Variants in AHRR observed in about 807,000 individuals in gnomAD.
The protein encoded by AHRR is ahR repressor.
AHRR carries 28 observed loss-of-function variants against 44.0 expected under a neutral mutation model. The ratio of observed to expected loss-of-function variants is 0.64; its 90% CI spans 0.47 to 0.87. The LOEUF is 0.87. Ranked by LOEUF, AHRR falls within the 40% of genes least tolerant of loss-of-function variation. The probability of loss-of-function intolerance (pLI) is 0.00; values close to 1 mark genes in which losing one functional copy is unlikely to be tolerated. For synonymous variants in AHRR, 434 were observed against 407.0 expected (o/e 1.07, Z -0.80); for missense variants, 990 against 953.9 (o/e 1.04, Z -0.50).
At chr5:327,278 C>A (rs1202570208) in intron 1 of AHRR, among the ~76,000 whole-genome samples, 1 of 152,150 alleles carries the variant, frequency 6.6e-6, no homozygotes, top group Non-Finnish European at 1.5e-5. Flanking sequence ...TTGTTACATG[C>A]ATAGATTGCA....
chr5:366,416 A>G (rs768555076), intron 3 of AHRR, among the ~76,000 whole-genome samples: 9 of 137,130 alleles, frequency 6.6e-5, no homozygotes, highest in Non-Finnish European at 1.4e-4. Flanking sequence ...ATGATTTTAT[A>G]GGGTCACATT....
At chr5:325,779 TTTTC>T (rs1741684695) in intron 1 of AHRR, among the ~76,000 whole-genome samples, 1 of 152,180 alleles carries the variant, frequency 6.6e-6, no homozygotes, top group Non-Finnish European at 1.5e-5. Flanking sequence ...TTGTTTCTTG[TTTTC>T]TTTCTTTTCT....
intron 2 of AHRR, 145 bp downstream of exon 2, chr5:344,109 G>C: frequency 2.5e-6 from 2 of 790,698 alleles, no homozygotes; most frequent in African/African-American, 1.9e-5. Flanking sequence ...GCTCCGGCGC[G>C]GGCGGCGCAG....
intron 1 of AHRR, among the ~76,000 whole-genome samples, chr5:332,342 A>G (rs951295634): frequency 7.0e-6 from 1 of 142,694 alleles, no homozygotes; most frequent in Non-Finnish European, 1.5e-5. Context: ...ATCTCGGCTC[A>G]CCACAACCTC....
intron 3 of AHRR, 44 bp from the exon 4 acceptor site, chr5:376,566 G>GAAAGATGTGAATGAATGAGAA: frequency 7.9e-6 from 12 of 1,517,786 alleles, no homozygotes; most frequent in South Asian, 2.6e-5. Flanking sequence ...GAGTGGCCAG[G>GAAAGATGTGAATGAATGAGAA]CCAAGGGTTG....
intron 3 of AHRR, among the ~76,000 whole-genome samples, chr5:355,514 C>T (rs1374020751): frequency 1.3e-5 from 2 of 152,210 alleles, no homozygotes; most frequent in Non-Finnish European, 2.9e-5. Context: ...CGACACCGCA[C>T]AGCCTCACCC....
intron 4 of AHRR, among the ~76,000 whole-genome samples, chr5:408,589 A>G (rs1352387765): frequency 6.6e-6 from 1 of 152,122 alleles, no homozygotes; most frequent in Non-Finnish European, 1.5e-5. Context: ...CTATTTCTTA[A>G]TATTTCATTT....
intron 4 of AHRR, among the ~76,000 whole-genome samples, chr5:401,015 G>C (rs1734993581): frequency 6.6e-6 from 1 of 152,240 alleles, no homozygotes; most frequent in Admixed American, 6.5e-5. Flanking sequence ...TCCAGCCCGT[G>C]TGGGGCGGGA....
chr5:375,336 G>T (rs1036402408), intron 3 of AHRR, among the ~76,000 whole-genome samples: 2 of 152,194 alleles, frequency 1.3e-5, no homozygotes, highest in African/African-American at 4.8e-5. Flanking sequence ...TTCTGTCTGG[G>T]TCGGGCTCTT....
In AHRR at chr5:342,944, C is replaced by T. The variant is rs776840032; in HGVS notation, c.-10-949C>T. On this transcript the variant is annotated intron_variant, in intron 1 of 10. Coordinates refer to ENST00000684583, the MANE Select transcript of AHRR (RefSeq NM_001377236.1). This position sits in a 1 kb window ranked among gnomAD's most constrained non-coding sequence, Gnocchi z 4.3. ...TGGGTGTAGTCAGCTGGACTCAGGGCGCTGTGAGCTAGTGACTTAAGTGGA... is the reference window on the plus strand; with the variant it reads ...TGGGTGTAGTCAGCTGGACTCAGGGTGCTGTGAGCTAGTGACTTAAGTGGA... Among the ~76,000 whole-genome samples, 8 of 152,104 alleles carry T rather than the reference C, an allele frequency of 5.3e-5. No homozygotes were observed. Among genetic ancestry groups the T allele is most frequent in the African/African-American group, 1.4e-4 (6 of 41,406 alleles).
rs563098121 is a variant in AHRR, at chr5:344,074, C to G, written c.62+110C>G. The G allele has an allele frequency of 4.5e-5, 55 of 1,218,610 alleles. No individual in the cohort carries two copies. In the East Asian group the frequency reaches 1.6e-3, roughly 36 times the overall value. The allele number at this position is 1,218,610 out of a possible 1,614,324, so 75.5% of individuals were successfully genotyped here. On this transcript the variant is annotated intron_variant, in intron 2 of 10. Transcript: ENST00000684583. ...GGAACAGGGCGAGCGAGGAAGGCTT[C>G]GGGAGCCGGGCGGGCCGGGGCTGAG...
Position 404,131 on chromosome 5 carries a change from G to A in AHRR, c.352-9213G>A, listed in dbSNP as rs774874583. ...TCCAGGTTTGGGGTTACCCTTCTCCGTCTCTCTCAGCCTCAGCCGTTCCTG... is the reference window on the plus strand; with the variant it reads ...TCCAGGTTTGGGGTTACCCTTCTCCATCTCTCTCAGCCTCAGCCGTTCCTG... On this transcript the variant is annotated intron_variant, in intron 4 of 10. Coordinates refer to ENST00000684583, the MANE Select transcript of AHRR (RefSeq NM_001377236.1). This position sits in a 1 kb window ranked among gnomAD's most constrained non-coding sequence, Gnocchi z 4.1. 1.1e-4 allele frequency: 62 copies of A among 546,672 alleles called. No individual in the cohort carries two copies. Among genetic ancestry groups the A allele is most frequent in the East Asian group, 8.7e-4 (23 of 26,476 alleles). The allele number at this position is 546,672 out of a possible 1,614,324, so 33.9% of individuals were successfully genotyped here.
At chr5:384,310 G>A (rs1734089502) in intron 4 of AHRR, among the ~76,000 whole-genome samples, 1 of 152,142 alleles carries the variant, frequency 6.6e-6, no homozygotes. Context: ...ACTTTACAAA[G>A]TTGAAATTTT....
intron 1 of AHRR, among the ~76,000 whole-genome samples, chr5:332,929 CTTT>C (rs57937804): frequency 0.41 from 54,135 of 132,032 alleles, 10,478 homozygotes; most frequent in South Asian, 0.51. Flanking sequence ...TGACCTTTGT[CTTT>C]TTTTTTTTTT....
chr5:386,467 C>T (rs1230579017), intron 4 of AHRR, among the ~76,000 whole-genome samples: 1 of 152,242 alleles, frequency 6.6e-6, no homozygotes, highest in African/African-American at 2.4e-5. Context: ...ATCTTTCTCA[C>T]TGGGCCAGAG....
intron 4 of AHRR, among the ~76,000 whole-genome samples, chr5:389,683 T>TG (rs947856109): frequency 6.6e-6 from 1 of 151,464 alleles, no homozygotes; most frequent in Non-Finnish European, 1.5e-5. Flanking sequence ...ACAAGGCCTC[T>TG]GGGGGGTCTG....
chr5:351,026 A>G (rs1240404725), intron 2 of AHRR, among the ~76,000 whole-genome samples: 1 of 152,228 alleles, frequency 6.6e-6, no homozygotes, highest in Non-Finnish European at 1.5e-5. Context: ...AAGTCATTAG[A>G]AAAATGCAAA....
chr5:432,803 C>T lies in AHRR; in HGVS notation c.971-3C>T, dbSNP rs758405839. 2.5e-6 allele frequency: 4 copies of T among 1,613,850 alleles called. No individual in the cohort carries two copies. In the South Asian group the frequency reaches 3.3e-5, roughly 13 times the overall value. The stretch of plus-strand genomic sequence containing the variant: ...GGCTTCCCCCCCCTCTAAACCCCAA[C>T]AGGAAGGAGCAGCAGAGAGAGCGGC... On this transcript the variant is annotated splice_polypyrimidine_tract_variant and splice_region_variant and intron_variant, in intron 9 of 10. Coordinates refer to ENST00000684583, the MANE Select transcript of AHRR (RefSeq NM_001377236.1).
intron 1 of AHRR, among the ~76,000 whole-genome samples, chr5:340,688 A>ATATATATATATATTTT (rs1269938749): frequency 7.7e-5 from 1 of 12,928 alleles, no homozygotes; most frequent in Non-Finnish European, 1.3e-4. Context: ...ATATATATAT[A>ATATATATATATATTTT]TTTTTTTTTT....
Sources: allele counts gnomAD v4.1 joint callset (sites outside exome capture counted in the v4.1 genomes callset), GRCh38; gene constraint gnomAD v4.1.1; non-coding constraint Gnocchi (gnomAD v3.1); transcripts MANE v1.5; gene names NCBI Gene and HGNC (gene_info 2026-07-23, HGNC 2026-07-21).